The following ENGASE variants were observed in gnomAD, a reference collection of about 807,000 sequenced individuals.
ENGASE encodes endo-beta-N-acetylglucosaminidase, also known as cytosolic endo-beta-N-acetylglucosaminidase.
In ENGASE, 69 loss-of-function variants were observed where a neutral mutation model predicts 78.5. That is an observed-to-expected ratio of 0.88 (90% CI 0.72 to 1.07). The LOEUF (loss-of-function observed/expected upper bound fraction) is 1.07, where lower values mean the gene tolerates loss of function less well. ENGASE is among the 50% of genes least tolerant of loss of function. ENGASE has a pLI of 0.00. For synonymous variants in ENGASE, 408 were observed against 408.9 expected, an observed-to-expected ratio of 1.00 and a Z score of 0.03; for missense variants, 943 against 988.4, an observed-to-expected ratio of 0.95 and a Z score of 0.62.
chr17:79,080,865 C>A, intron 5 of ENGASE, 60 bp from the exon 6 acceptor site: 1 of 1,554,858 alleles, frequency 6.4e-7, no homozygotes, highest in African/African-American at 1.4e-5. Context: ...GCGCTGGATA[C>A]TTCTCATGAT....
rs927144834 is a variant in ENGASE, at chr17:79,087,322, C to T, written c.*973C>T. 8 of 326,890 alleles carry T rather than the reference C, an allele frequency of 2.4e-5. No individual in the cohort carries two copies. Among genetic ancestry groups the T allele is most frequent in the Admixed American group, 1.2e-4 (3 of 25,598 alleles). 20.2% of individuals were successfully genotyped at this position (326,890 alleles called of 1,614,324 possible). ...TCCCTTCTCAGCCTCGTCCAAGCACCGGGAAGACCTCCAGGCTGACCCCTT... is the reference window on the plus strand; with the variant it reads ...TCCCTTCTCAGCCTCGTCCAAGCACTGGGAAGACCTCCAGGCTGACCCCTT... On this transcript the variant is annotated 3_prime_UTR_variant, in exon 14 of 14. Transcript: ENST00000579016.
intron 7 of ENGASE, 24 bp from the exon 8 acceptor site, chr17:79,082,996 C>T (rs1268700878): frequency 4.3e-6 from 7 of 1,610,598 alleles, no homozygotes; most frequent in Non-Finnish European, 5.9e-6. Flanking sequence ...CTGATGTGCC[C>T]AGCGTCTCCC....
At chr17:79,084,444 T>C in intron 10 of ENGASE, 94 bp from the exon 11 acceptor site, 2 of 1,302,164 alleles carry the variant, frequency 1.5e-6, no homozygotes, top group Non-Finnish European at 2.1e-6. Flanking sequence ...GGCCCCCTGT[T>C]CCTGGAGGGA....
rs57039616 is a variant in ENGASE at position 79,087,071 on chromosome 17, G to C, written c.*722G>C. On this transcript the variant is annotated 3_prime_UTR_variant, in exon 14 of 14. Transcript: ENST00000579016. ...CCCCTGGCTCTGCGGCGTCTCTTCC[G>C]GGCTGTGGGCATGCAGGGAAGTGGC... 22,639 of 464,952 alleles carry C rather than the reference G, an allele frequency of 0.049. 1,295 individuals are homozygous for C. Among genetic ancestry groups the C allele is most frequent in the East Asian group, 0.26 (3,913 of 15,010 alleles). 28.8% of individuals were successfully genotyped at this position (464,952 alleles called of 1,614,324 possible).
At chr17:79,082,257 C>G in intron 7 of ENGASE, 194 bp downstream of exon 7, 1 of 1,528,690 alleles carries the variant, frequency 6.5e-7, no homozygotes, top group African/African-American at 1.4e-5. Context: ...AACCCCTTTC[C>G]CGGCTATTTC....
chr17:79,085,218 G>T lies in ENGASE; in HGVS notation c.1592-16G>T. ...TTGAGATTCTCCTTTTTCAAGTTCC[G>T]TGTCTCCTTCTGCAGCAGAAACAAG... On this transcript the variant is annotated splice_polypyrimidine_tract_variant and intron_variant, in intron 11 of 13. Coordinates refer to ENST00000579016, the MANE Select transcript of ENGASE (RefSeq NM_001042573.3). The T allele has an allele frequency of 6.2e-7, 1 of 1,600,522 alleles. No individual in the cohort carries two copies. Among genetic ancestry groups the T allele is most frequent in the African/African-American group, 1.3e-5 (1 of 74,728 alleles).
In ENGASE at chr17:79,083,681, G is replaced by A; in HGVS notation, c.1252-80G>A. The A allele has an allele frequency of 1.3e-6, 2 of 1,558,160 alleles. No homozygotes were observed. The highest frequency in any genetic ancestry group is 1.8e-6 in the Non-Finnish European group (2 of 1,140,474). The stretch of plus-strand genomic sequence containing the variant: ...GGACTTGCCAGCAGGCACGGTGGTG[G>A]TCTTACCCTTCCCTGCCGCTCCGGG... On this transcript the variant is annotated intron_variant, in intron 9 of 13. Transcript: ENST00000579016. The surrounding 1 kb of genome is among the most constrained non-coding windows in gnomAD (Gnocchi z 4.9).
chr17:79,085,843 TGGA>T (rs1325993088), intron 13 of ENGASE, 87 bp from the exon 14 acceptor site: 2 of 1,588,596 alleles, frequency 1.3e-6, no homozygotes, highest in South Asian at 1.1e-5. Context: ...GGAACTGGGG[TGGA>T]GGAGTCAGGG....
chr17:79,077,520 T>C (rs2072997149), intron 2 of ENGASE, 23 bp downstream of exon 2: 1 of 1,548,074 alleles, frequency 6.5e-7, no homozygotes, highest in African/African-American at 1.4e-5. Context: ...AGGCTCTGAA[T>C]ACCGATCCAC....
rs772980246 is a variant in ENGASE at position 79,081,880 on chromosome 17, G to T, written c.873-18G>T. 5 of 1,602,204 alleles carry T rather than the reference G, an allele frequency of 3.1e-6. No individual in the cohort carries two copies. The highest frequency in any genetic ancestry group is 4.3e-6 in the Non-Finnish European group (5 of 1,173,438). ...CTTCTGGGCCTGGGCCTCACAGCAG[G>T]TCCTTGTTGCTTCTCAGGGTCTTCT... On this transcript the variant is annotated intron_variant, in intron 6 of 13. Coordinates refer to ENST00000579016, the MANE Select transcript of ENGASE (RefSeq NM_001042573.3).
Position 79,080,237 on chromosome 17 carries a change from G to T in ENGASE, c.596G>T (p.Gly199Val). The T allele has an allele frequency of 1.2e-6, 2 of 1,611,340 alleles. No individual in the cohort carries two copies. Among genetic ancestry groups the T allele is most frequent in the Non-Finnish European group, 1.7e-6 (2 of 1,178,202 alleles). The change falls in exon 5 of 14, where the codon GGA becomes GTA. Residue 199 changes from glycine to valine, a missense_variant. By Grantham distance (109) the Gly-to-Val change is moderately radical. Transcript: ENST00000579016. Reference protein sequence around the residue: ...GTFITEWNEGGRLCEAFLAGD... With the variant: ...GTFITEWNEGVRLCEAFLAGD... ...TTCATCACGGAGTGGAATGAAGGGG[G>T]AAGGCTCTGTGAAGCCTTCCTGGCC... is the stretch of plus-strand genomic sequence containing the variant.
In ENGASE at chr17:79,083,001, TCTCC is replaced by T; in HGVS notation, c.1039-15_1039-12del. ...GACTCTGGTCCTGATGTGCCCAGCG[TCTCC>T]CTCTGTCTCTTCAGTCGTTGGAGCT... On this transcript the variant is annotated splice_polypyrimidine_tract_variant and intron_variant, in intron 7 of 13. Transcript: ENST00000579016. This position sits in a 1 kb window ranked among gnomAD's most constrained non-coding sequence, Gnocchi z 4.9. 1.9e-6 allele frequency: 3 copies of T among 1,611,842 alleles called. No homozygotes were observed. The highest frequency in any genetic ancestry group is 2.5e-6 in the Non-Finnish European group (3 of 1,178,634).
At position 79,082,026 on chromosome 17, in the gene ENGASE, G is replaced by C. The variant is rs761556855; in HGVS notation, c.1001G>C (p.Arg334Pro). 5.0e-6 allele frequency: 8 copies of C among 1,614,128 alleles called. No individual in the cohort carries two copies. In the Admixed American group the frequency reaches 1.0e-4, roughly 20 times the overall value. The change falls in exon 7 of 14, where the codon CGA becomes CCA. Residue 334 changes from arginine (R) to proline (P), a missense_variant. Transcript: ENST00000579016. ...TACGTGGGCGTGGATGTGTTTGCTC[G>C]AGGGAACGTGGTCGGAGGCCGATTC... is the stretch of plus-strand genomic sequence containing the variant. ...DVYVGVDVFARGNVVGGRFDT... is the reference protein window; with the variant it reads ...DVYVGVDVFAPGNVVGGRFDT...
At position 79,079,637 on chromosome 17, in the gene ENGASE, G is replaced by A; in HGVS notation, c.565G>A (p.Gly189Arg). ...CCACAGGCATGGGGTCTGCGTGCTG[G>A]GTAAGAGCCAAGGACTCACCTCTGT... Reference protein sequence around the residue: ...TAHRHGVCVLGTFITEWNEGG... With the variant: ...TAHRHGVCVLRTFITEWNEGG... Residue 189 changes from glycine (G) to arginine (R), a missense_variant and splice_region_variant, in exon 4 of 14, where the codon GGG becomes AGG. Coordinates refer to ENST00000579016, the MANE Select transcript of ENGASE (RefSeq NM_001042573.3). 6.2e-7 allele frequency: 1 copy of A among 1,612,434 alleles called. No individual in the cohort carries two copies. The highest frequency in any genetic ancestry group is 8.5e-7 in the Non-Finnish European group (1 of 1,179,626).
In ENGASE at chr17:79,082,033, C is replaced by T. The variant is rs751971083; in HGVS notation, c.1008C>T (p.Asn336=). ...GCGTGGATGTGTTTGCTCGAGGGAA[C>T]GTGGTCGGAGGCCGATTCGACACAG... ...YVGVDVFARG[N]VVGGRFDTDK... is the part of the protein sequence containing the mutation. Residue 336 remains asparagine, a synonymous_variant, in exon 7 of 14, where the codon AAC becomes AAT. Transcript: ENST00000579016. 69 of 1,614,098 alleles carry T rather than the reference C, an allele frequency of 4.3e-5. No homozygotes were observed. Among genetic ancestry groups the T allele is most frequent in the South Asian group, 7.7e-5 (7 of 91,094 alleles).
intron 7 of ENGASE, chr17:79,082,288 T>C (rs1418868858): frequency 6.8e-7 from 1 of 1,480,006 alleles, no homozygotes; most frequent in African/African-American, 1.4e-5. Flanking sequence ...TAATGTATTT[T>C]TGTGTGGGTG....
rs1784631743 is a variant in ENGASE at position 79,075,034 on chromosome 17, G to A, written c.90G>A (p.Thr30=). 8.3e-7 allele frequency: 1 copy of A among 1,199,410 alleles called. No homozygotes were observed. The highest frequency in any genetic ancestry group is 1.0e-6 in the Non-Finnish European group (1 of 962,472). The allele number at this position is 1,199,410 out of a possible 1,614,324, so 74.3% of individuals were successfully genotyped here. The change falls in exon 1 of 14, where the codon ACG becomes ACA. Residue 30 remains threonine, a synonymous_variant. Transcript: ENST00000579016. ...GGCTGGCGGCCCCGGAGGCGGGGAC[G>A]CAGGAGGAGCAGGAGGATCAGGAGC... The part of the protein sequence containing the change: ...LQGLAAPEAG[T]QEEQEDQEPR...
In ENGASE at chr17:79,083,739, C is replaced by T. The variant is rs1411020708; in HGVS notation, c.1252-22C>T. 1 of 1,599,904 alleles carries T rather than the reference C, an allele frequency of 6.3e-7. No individual in the cohort carries two copies. The highest frequency in any genetic ancestry group is 8.5e-7 in the Non-Finnish European group (1 of 1,172,338). On this transcript the variant is annotated intron_variant, in intron 9 of 13. Coordinates refer to ENST00000579016, the MANE Select transcript of ENGASE (RefSeq NM_001042573.3). The surrounding 1 kb of genome is among the most constrained non-coding windows in gnomAD (Gnocchi z 4.9). ...GCTCTGTTGGCCTCTGCTGAGTGCC[C>T]CTGTTCTGCCCTTTTCTTCAGGAAG... is the stretch of plus-strand genomic sequence containing the variant.
rs553307487 is a variant in ENGASE at position 79,078,499 on chromosome 17, G to T, written c.416+635G>T. Among the ~76,000 whole-genome samples the T allele has an allele frequency of 1.4e-4, 21 of 152,216 alleles. No individual in the cohort carries two copies. The East Asian group carries it at 3.3e-3, about 24-fold the overall frequency. On this transcript the variant is annotated intron_variant, in intron 3 of 13. Transcript: ENST00000579016. Reference sequence around the variant, plus strand: ...GGGGGTCCTCTTCGGCTGCCTGTCCGCAGCCTCACCCCCTCACGTGGTTTG... The same window carrying T: ...GGGGGTCCTCTTCGGCTGCCTGTCCTCAGCCTCACCCCCTCACGTGGTTTG...
Sources: allele counts gnomAD v4.1 joint callset (sites outside exome capture counted in the v4.1 genomes callset), GRCh38; gene constraint gnomAD v4.1.1; non-coding constraint Gnocchi (gnomAD v3.1); transcripts MANE v1.5; gene names NCBI Gene and HGNC (gene_info 2026-07-23, HGNC 2026-07-21).